The following KCNN2 variants were observed in gnomAD, a reference collection of about 807,000 sequenced individuals.
The protein encoded by KCNN2 is small conductance calcium-activated potassium channel protein 2.
In KCNN2, 24 loss-of-function variants were observed where a neutral mutation model predicts 55.5. That is an observed-to-expected ratio of 0.43 (90% CI 0.31 to 0.61). The LOEUF is 0.61. Among genes scored for constraint, KCNN2 ranks in the 20% least tolerant of loss-of-function variants. The pLI, the probability that KCNN2 is intolerant of heterozygous loss-of-function variation, is 0.08. For synonymous variants in KCNN2, 431 were observed against 336.1 expected (o/e 1.28, Z -3.09); for missense variants, 754 against 853.6 (o/e 0.88, Z 1.45).
At chr5:114,183,953 T>A (rs1198469277) in intron 1 of KCNN2, among the ~76,000 whole-genome samples, 1 of 152,150 alleles carries the variant, frequency 6.6e-6, no homozygotes, top group Non-Finnish European at 1.5e-5. Flanking sequence ...TTGAGTTTAA[T>A]AATTAAATCC....
At chr5:114,404,305 A>G in intron 2 of KCNN2, 133 bp from the exon 3 acceptor site, 1 of 655,972 alleles carries the variant, frequency 1.5e-6, no homozygotes, top group Non-Finnish European at 2.6e-6. Context: ...ATACCTGGCT[A>G]GCATTTAAAA....
At chr5:114,380,589 T>C (rs1684243675) in intron 2 of KCNN2, among the ~76,000 whole-genome samples, 1 of 152,212 alleles carries the variant, frequency 6.6e-6, no homozygotes. Context: ...CTGTGAGAAT[T>C]CTACTATACT....
At chr5:114,382,521 GC>G (rs1188289095) in intron 2 of KCNN2, among the ~76,000 whole-genome samples, 1 of 152,168 alleles carries the variant, frequency 6.6e-6, no homozygotes, top group East Asian at 1.9e-4. Context: ...TGTTTTGTGT[GC>G]CATGTGATTA....
intron 6 of KCNN2, among the ~76,000 whole-genome samples, chr5:114,491,509 C>T (rs543457349): frequency 0.013 from 1,356 of 108,062 alleles, no homozygotes; most frequent in Middle Eastern, 0.021. Flanking sequence ...TCTGCTTTTT[C>T]TTTTTTTTTT....
intron 2 of KCNN2, among the ~76,000 whole-genome samples, chr5:114,391,361 T>C (rs376121094): frequency 3.6e-4 from 55 of 152,278 alleles, no homozygotes; most frequent in African/African-American, 1.3e-3. Flanking sequence ...ATACTAATCA[T>C]GTAAGGTTGA....
chr5:114,102,473 G>T (rs549821613), intron 1 of KCNN2, among the ~76,000 whole-genome samples: 37 of 152,166 alleles, frequency 2.4e-4, no homozygotes, highest in Non-Finnish European at 1.3e-4. Context: ...GGCTTTTGTT[G>T]CCATTGCTTT....
intron 2 of KCNN2, among the ~76,000 whole-genome samples, chr5:114,278,494 AGTGGG>A (rs1176853677): frequency 6.6e-6 from 1 of 152,256 alleles, no homozygotes; most frequent in East Asian, 1.9e-4. Flanking sequence ...GCTGAGCTGC[AGTGGG>A]CTCCGCCCAG....
Position 114,075,979 on chromosome 5 carries a change from G to A in KCNN2, c.-271+19479G>A, listed in dbSNP as rs368711033. Among the ~76,000 whole-genome samples, 5 of 152,308 alleles carry A rather than the reference G, an allele frequency of 3.3e-5. No homozygotes were observed. In the South Asian group the frequency reaches 6.2e-4, roughly 19 times the overall value. On this transcript the variant is annotated intron_variant, in intron 1 of 10. Transcript: ENST00000512097. ...TAGTTGTTCCCAGGCTAAATTGTGA[G>A]CCAAATAGTTGTTTTAAGTGTGTGT...
chr5:114,205,921 T>C (rs1361091693), intron 1 of KCNN2, among the ~76,000 whole-genome samples: 2 of 152,188 alleles, frequency 1.3e-5, no homozygotes, highest in African/African-American at 4.8e-5. Flanking sequence ...ATTTATCCTG[T>C]TACTTTTTGA....
chr5:114,442,473 T>G (rs1488525896), intron 3 of KCNN2, among the ~76,000 whole-genome samples: 1 of 152,046 alleles, frequency 6.6e-6, no homozygotes, highest in Non-Finnish European at 1.5e-5. Context: ...GGGGTGAACT[T>G]TGGCAAGTCC....
intron 4 of KCNN2, among the ~76,000 whole-genome samples, chr5:114,464,844 T>C (rs1407049736): frequency 7.3e-6 from 1 of 137,322 alleles, no homozygotes; most frequent in Non-Finnish European, 1.6e-5. Flanking sequence ...TATCTGTTTG[T>C]TTACTATTGG....
At chr5:114,475,927 G>C (rs1431229294) in intron 5 of KCNN2, among the ~76,000 whole-genome samples, 1 of 152,060 alleles carries the variant, frequency 6.6e-6, no homozygotes, top group Non-Finnish European at 1.5e-5. Flanking sequence ...TGCCTGAATT[G>C]TCAACTTATT....
intron 2 of KCNN2, among the ~76,000 whole-genome samples, chr5:114,281,934 A>G (rs1191376453): frequency 6.6e-6 from 1 of 151,970 alleles, no homozygotes; most frequent in Non-Finnish European, 1.5e-5. Flanking sequence ...ATTTTTCTGG[A>G]AAGTCACCCA....
At chr5:114,393,503 T>C (rs539297122) in intron 2 of KCNN2, among the ~76,000 whole-genome samples, 8 of 152,242 alleles carry the variant, frequency 5.3e-5, no homozygotes, top group Non-Finnish European at 4.4e-5. Context: ...ATTCTCATTC[T>C]TCCCTCCTCT....
chr5:114,329,276 TC>T (rs1756764479), intron 2 of KCNN2, among the ~76,000 whole-genome samples: 1 of 152,226 alleles, frequency 6.6e-6, no homozygotes. Context: ...AAAGCATTGT[TC>T]CTGGGTGTGT....
chr5:114,440,095 A>G (rs549547351), intron 3 of KCNN2, among the ~76,000 whole-genome samples: 2 of 152,274 alleles, frequency 1.3e-5, no homozygotes, highest in South Asian at 2.1e-4. Flanking sequence ...TGCAACCACC[A>G]TGAATTCTCT....
rs534525160 is a variant in KCNN2, at chr5:114,070,501, G to A, written c.-271+14001G>A. Among the ~76,000 whole-genome samples, 26 of 152,308 alleles carry A rather than the reference G, an allele frequency of 1.7e-4. 1 individual carries two copies. Among genetic ancestry groups the A allele is most frequent in the African/African-American group, 6.0e-4 (25 of 41,570 alleles). ...CTCCTCTGAAAAAGCTTCCCGGGCT[G>A]TCTCTTCCAGAGACTAGTTAGCTGT... On this transcript the variant is annotated intron_variant, in intron 1 of 10. Transcript: ENST00000512097.
chr5:114,416,032 C>T (rs973134985), intron 3 of KCNN2, among the ~76,000 whole-genome samples: 1 of 152,062 alleles, frequency 6.6e-6, no homozygotes, highest in African/African-American at 2.4e-5. Context: ...CTTTTCCTAC[C>T]CTGAAGTCTT....
chr5:114,331,383 G>A (rs1454161057), intron 2 of KCNN2, among the ~76,000 whole-genome samples: 5 of 152,172 alleles, frequency 3.3e-5, no homozygotes, highest in Non-Finnish European at 5.9e-5. Context: ...AATGTGGCTT[G>A]GGGTAAGCTT....
Sources: allele counts gnomAD v4.1 joint callset (sites outside exome capture counted in the v4.1 genomes callset), GRCh38; gene constraint gnomAD v4.1.1; transcripts MANE v1.5; gene names NCBI Gene and HGNC (gene_info 2026-07-23, HGNC 2026-07-21).